Variants in NT5DC1 observed in about 807,000 individuals in gnomAD.
NT5DC1 encodes the protein 5'-nucleotidase domain-containing protein 1.
In NT5DC1, 42 loss-of-function variants were observed where a neutral mutation model predicts 59.4. The ratio of observed to expected loss-of-function variants is 0.71; its 90% CI spans 0.55 to 0.92. The LOEUF is 0.92. Among genes scored for constraint, NT5DC1 ranks in the 40% least tolerant of loss-of-function variants. The pLI is 0.00. For missense variants in NT5DC1, 501 were observed against 537.1 expected, an observed-to-expected ratio of 0.93 and a Z score of 0.66; for synonymous variants, 172 against 188.1, an observed-to-expected ratio of 0.91 and a Z score of 0.70.
chr6:116,146,772 T>C (rs1270150791), intron 6 of NT5DC1, among the ~76,000 whole-genome samples: 1 of 151,962 alleles, frequency 6.6e-6, no homozygotes, highest in Admixed American at 6.6e-5. Flanking sequence ...GACTGGGAAA[T>C]TTAATGTATG....
At chr6:116,142,062 A>G (rs1343236913) in intron 6 of NT5DC1, among the ~76,000 whole-genome samples, 1 of 152,108 alleles carries the variant, frequency 6.6e-6, no homozygotes, top group South Asian at 2.1e-4. Context: ...GCTGATTTGT[A>G]CATGGTAACA....
rs188022282 is a variant in NT5DC1 at position 116,127,003 on chromosome 6, A to G, written c.529+9058A>G. Among the ~76,000 whole-genome samples, 133 of 152,252 alleles carry G rather than the reference A, an allele frequency of 8.7e-4. 1 individual carries two copies. The highest frequency in any genetic ancestry group is 1.6e-3 in the Non-Finnish European group (107 of 68,004). On this transcript the variant is annotated intron_variant, in intron 6 of 11. Coordinates refer to ENST00000319550, the MANE Select transcript of NT5DC1 (RefSeq NM_152729.3). Reference sequence around the variant, plus strand: ...GAAGCCTTTAAAATCAGTTTTTAGGATCCTAAAAAATCTAATAAAGGTGGG... The same window carrying G: ...GAAGCCTTTAAAATCAGTTTTTAGGGTCCTAAAAAATCTAATAAAGGTGGG...
chr6:116,124,981 G>A (rs1779249898), intron 6 of NT5DC1, among the ~76,000 whole-genome samples: 1 of 152,014 alleles, frequency 6.6e-6, no homozygotes, highest in Non-Finnish European at 1.5e-5. Context: ...TATACAATTG[G>A]CAGTTATTTT....
intron 1 of NT5DC1, among the ~76,000 whole-genome samples, chr6:116,104,818 G>A (rs1022861646): frequency 6.6e-6 from 1 of 152,142 alleles, no homozygotes; most frequent in Admixed American, 6.5e-5. Context: ...ACCACAGGGT[G>A]ACTCAGTGTA....
At chr6:116,235,603 A>G (rs962856132) in intron 8 of NT5DC1, among the ~76,000 whole-genome samples, 2 of 152,330 alleles carry the variant, frequency 1.3e-5, no homozygotes, top group East Asian at 3.9e-4. Context: ...TATTTGACTC[A>G]TTTTTGTAGT....
At chr6:116,230,376 A>G (rs1285322779) in intron 8 of NT5DC1, among the ~76,000 whole-genome samples, 1 of 152,150 alleles carries the variant, frequency 6.6e-6, no homozygotes, top group African/African-American at 2.4e-5. Flanking sequence ...CTCTATCTCC[A>G]TAAAAGTACC....
chr6:116,126,961 CTGTT>C (rs1779333820), intron 6 of NT5DC1, among the ~76,000 whole-genome samples: 1 of 152,076 alleles, frequency 6.6e-6, no homozygotes, highest in Non-Finnish European at 1.5e-5. Flanking sequence ...TAGTTAGACT[CTGTT>C]TAACAATATT....
chr6:116,207,466 A>AT (rs544696646), intron 6 of NT5DC1, among the ~76,000 whole-genome samples: 1 of 151,724 alleles, frequency 6.6e-6, no homozygotes, highest in Non-Finnish European at 1.5e-5. Context: ...TATTTTTCAG[A>AT]TTTTTTTTCA....
At chr6:116,203,387 C>G (rs1781385069) in intron 6 of NT5DC1, among the ~76,000 whole-genome samples, 1 of 151,916 alleles carries the variant, frequency 6.6e-6, no homozygotes, top group East Asian at 1.9e-4. Context: ...TCCCTTCTAG[C>G]CAACATCCCT....
intron 6 of NT5DC1, among the ~76,000 whole-genome samples, chr6:116,159,513 G>C (rs558967464): frequency 3.3e-5 from 5 of 152,142 alleles, no homozygotes; most frequent in African/African-American, 1.2e-4. Context: ...ATATCTGTCG[G>C]GTATTCTGGA....
intron 6 of NT5DC1, among the ~76,000 whole-genome samples, chr6:116,176,808 T>C (rs1184284338): frequency 6.6e-6 from 1 of 152,132 alleles, no homozygotes; most frequent in East Asian, 1.9e-4. Flanking sequence ...TTGTTCCCCC[T>C]AGAGGGACAG....
At chr6:116,220,226 G>T (rs571756140) in intron 6 of NT5DC1, among the ~76,000 whole-genome samples, 5 of 138,820 alleles carry the variant, frequency 3.6e-5, no homozygotes, top group Non-Finnish European at 7.5e-5. Context: ...GTTCTATCAT[G>T]CTCTGAGAAC....
chr6:116,235,871 T>G (rs535707144), intron 8 of NT5DC1, among the ~76,000 whole-genome samples: 125 of 149,880 alleles, frequency 8.3e-4, no homozygotes, highest in African/African-American at 3.1e-3. Flanking sequence ...GTTTTCTGCC[T>G]GTCCTACTCC....
intron 6 of NT5DC1, among the ~76,000 whole-genome samples, chr6:116,191,244 G>C (rs1366397562): frequency 1.3e-5 from 2 of 152,018 alleles, no homozygotes; most frequent in African/African-American, 4.8e-5. Context: ...GCAAGAATTT[G>C]TACCTCTGAC....
chr6:116,104,835 G>T (rs889563853), intron 1 of NT5DC1, among the ~76,000 whole-genome samples: 4 of 151,980 alleles, frequency 2.6e-5, no homozygotes, highest in African/African-American at 9.7e-5. Flanking sequence ...TGTATTTTTT[G>T]TTGCTTTTTT....
rs573842942 is a variant in NT5DC1 at position 116,115,814 on chromosome 6, C to T, written c.444+44C>T. On this transcript the variant is annotated intron_variant, in intron 5 of 11. Transcript: ENST00000319550. The stretch of plus-strand genomic sequence containing the variant: ...TTTAAAACTATGATATGTAGTCAGT[C>T]ATAAATTGGAGGACCTAATTATATA... 154 of 975,250 alleles carry T rather than the reference C, an allele frequency of 1.6e-4. 2 individuals are homozygous for T. The South Asian group carries it at 2.0e-3, about 12-fold the overall frequency. 60.4% of individuals were successfully genotyped at this position (975,250 alleles called of 1,614,324 possible).
rs73772295 is a variant in NT5DC1, at chr6:116,152,781, C to T, written c.529+34836C>T. On this transcript the variant is annotated intron_variant, in intron 6 of 11. Coordinates refer to ENST00000319550, the MANE Select transcript of NT5DC1 (RefSeq NM_152729.3). ...TTTACAACTCTAATATAGTTCTTGGCACCATTCCATTTTTCTTGATAAGGT... is the reference window on the plus strand; with the variant it reads ...TTTACAACTCTAATATAGTTCTTGGTACCATTCCATTTTTCTTGATAAGGT... Among the ~76,000 whole-genome samples the T allele has an allele frequency of 4.8e-3, 736 of 152,224 alleles. 11 individuals carry two copies. The highest frequency in any genetic ancestry group is 0.043 in the South Asian group (205 of 4,816).
At chr6:116,165,746 G>T (rs1193799422) in intron 6 of NT5DC1, among the ~76,000 whole-genome samples, 1 of 152,214 alleles carries the variant, frequency 6.6e-6, no homozygotes, top group Non-Finnish European at 1.5e-5. Context: ...TCTAGGGGCA[G>T]CCTGTGCTTA....
At chr6:116,106,494 T>A (rs893216540) in intron 2 of NT5DC1, among the ~76,000 whole-genome samples, 159 bp downstream of exon 2, 7 of 152,204 alleles carry the variant, frequency 4.6e-5, no homozygotes, top group Non-Finnish European at 7.4e-5. Flanking sequence ...GTTTTGTATT[T>A]AATGAATTAA....
Sources: allele counts gnomAD v4.1 joint callset (sites outside exome capture counted in the v4.1 genomes callset), GRCh38; gene constraint gnomAD v4.1.1; transcripts MANE v1.5; gene names NCBI Gene and HGNC (gene_info 2026-07-23, HGNC 2026-07-21).